Variants in RTTN observed in about 807,000 individuals in gnomAD.
RTTN encodes the protein rotatin.
A neutral mutation model predicts 269.2 loss-of-function variants in RTTN; 182 were observed. The observed-to-expected ratio is 0.68, with a 90% CI of 0.60 to 0.76. The LOEUF (loss-of-function observed/expected upper bound fraction) is 0.76. RTTN is among the 30% of genes least tolerant of loss of function. The pLI is 0.00. For missense variants in RTTN, 2,545 were observed against 2,608.6 expected (o/e 0.98, Z 0.53); for synonymous variants, 1,006 against 963.5 (o/e 1.04, Z -0.82).
rs1457494800 is a variant in RTTN at position 70,204,225 on chromosome 18, T to C, written c.258A>G (p.Ala86=). 2 of 1,613,198 alleles carry C rather than the reference T, an allele frequency of 1.2e-6. No individual in the cohort carries two copies. The highest frequency in any genetic ancestry group is 1.7e-6 in the Non-Finnish European group (2 of 1,179,840). ...ACCGAAGCTTAGATAAGAACTCTAC[T>C]GCACCAACGTCAACCAAATGTTGGA... is the stretch of plus-strand genomic sequence containing the variant. ...PAVQHLVDVG[A]VEFLSKLRSN... is the part of the protein sequence containing the mutation. Residue 86 remains alanine (A), a synonymous_variant, in exon 3 of 49, where the codon GCA becomes GCG. Transcript: ENST00000640769.
At chr18:70,030,823 A>G (rs2056990263) in intron 41 of RTTN, 53 bp downstream of exon 41, 8 of 1,319,098 alleles carry the variant, frequency 6.1e-6, no homozygotes, top group Admixed American at 2.0e-5. Flanking sequence ...ACAAGCAACA[A>G]AACATATGAA....
chr18:70,030,905 C>G lies in RTTN; in HGVS notation c.5618G>C (p.Ser1873Thr). 6 of 1,613,648 alleles carry G rather than the reference C, an allele frequency of 3.7e-6. No individual in the cohort carries two copies. Among genetic ancestry groups the G allele is most frequent in the Non-Finnish European group, 5.1e-6 (6 of 1,179,826 alleles). ...CAAAGCATGTTTCTGTGCTCTTCTA[C>G]TGACAGCCAGCAGTGACATCAATGC... ...ANALMSLLAV[S>T]RRAQKHALKA... is the part of the protein sequence containing the mutation. Residue 1873 changes from serine to threonine, a missense_variant, in exon 41 of 49, where the codon AGT (serine) becomes ACT (threonine). Ser to Thr is a moderately conservative substitution (Grantham distance 58). Coordinates refer to ENST00000640769, the MANE Select transcript of RTTN (RefSeq NM_173630.4).
chr18:70,011,986 T>TAGAC (rs2056390990), intron 46 of RTTN, among the ~76,000 whole-genome samples: 1 of 150,424 alleles, frequency 6.6e-6, no homozygotes, highest in Admixed American at 6.6e-5. Flanking sequence ...TGGTATTGGT[T>TAGAC]AGAGGGCAGC....
At chr18:70,064,866 T>C (rs1006112859) in intron 35 of RTTN, among the ~76,000 whole-genome samples, 2 of 152,172 alleles carry the variant, frequency 1.3e-5, no homozygotes, top group Non-Finnish European at 2.9e-5. Context: ...ATGTTAAAAA[T>C]CAGAGTAAGG....
chr18:70,054,971 G>T (rs1353358485), intron 37 of RTTN, among the ~76,000 whole-genome samples: 3 of 152,150 alleles, frequency 2.0e-5, no homozygotes, highest in Non-Finnish European at 4.4e-5. Flanking sequence ...GCATAAGCAG[G>T]GGTGGGGGGA....
chr18:70,074,252 C>CA (rs1308862390), intron 33 of RTTN, among the ~76,000 whole-genome samples: 1 of 151,916 alleles, frequency 6.6e-6, no homozygotes, highest in Admixed American at 6.6e-5. Context: ...TACCCCAGGT[C>CA]AGAGTGGAAG....
At chr18:70,045,849 C>T (rs942038792) in intron 40 of RTTN, among the ~76,000 whole-genome samples, 1 of 152,080 alleles carries the variant, frequency 6.6e-6, no homozygotes, top group Non-Finnish European at 1.5e-5. Flanking sequence ...TCACAAAATA[C>T]GTGATTTGTA....
chr18:70,131,357 A>C (rs570226876), intron 23 of RTTN: 2 of 151,802 alleles, frequency 1.3e-5, no homozygotes, highest in South Asian at 4.2e-4. Context: ...TAAAATATGT[A>C]TAGAATTTAA....
At chr18:70,028,193 T>A (rs2056907856) in intron 43 of RTTN, among the ~76,000 whole-genome samples, 1 of 152,034 alleles carries the variant, frequency 6.6e-6, no homozygotes, top group Admixed American at 6.6e-5. Flanking sequence ...TAAAACATCA[T>A]CAGTGCTTAC....
chr18:70,145,844 G>C (rs1231628606), intron 17 of RTTN, 61 bp from the exon 18 acceptor site: 1 of 1,305,096 alleles, frequency 7.7e-7, no homozygotes, highest in African/African-American at 1.5e-5. Context: ...TTTTAAAAGG[G>C]CTTGTAATTA....
At chr18:70,121,240 A>G (rs1329533005) in intron 26 of RTTN, among the ~76,000 whole-genome samples, 3 of 152,050 alleles carry the variant, frequency 2.0e-5, no homozygotes, top group Non-Finnish European at 4.4e-5. Flanking sequence ...CAACATGCCT[A>G]TCTGGACATC....
At chr18:70,182,155 G>A (rs1434964877) in intron 10 of RTTN, among the ~76,000 whole-genome samples, 2 of 151,998 alleles carry the variant, frequency 1.3e-5, no homozygotes, top group Admixed American at 1.3e-4. Context: ...CCAAGATTCA[G>A]AACTATTATC....
chr18:70,059,774 T>C lies in RTTN; in HGVS notation c.4940+76A>G, dbSNP rs1400437704. 6 of 978,892 alleles carry C rather than the reference T, an allele frequency of 6.1e-6. No individual in the cohort carries two copies. In the African/African-American group the frequency reaches 9.8e-5, roughly 16 times the overall value. The allele number at this position is 978,892 out of a possible 1,614,324, so 60.6% of individuals were successfully genotyped here. On this transcript the variant is annotated intron_variant, in intron 36 of 48. Transcript: ENST00000640769. Reference sequence around the variant, plus strand: ...CTGTATTTCCAGGTCACAAGAAATCTTGTATCAAGTCATGAATACAGTTTG... The same window carrying C: ...CTGTATTTCCAGGTCACAAGAAATCCTGTATCAAGTCATGAATACAGTTTG...
At chr18:70,099,916 C>T (rs1041923073) in intron 28 of RTTN, among the ~76,000 whole-genome samples, 2 of 152,118 alleles carry the variant, frequency 1.3e-5, no homozygotes, top group Non-Finnish European at 2.9e-5. Context: ...TTTCTGAGGG[C>T]TCTGTTCTGT....
chr18:70,097,063 C>T (rs948863035), intron 28 of RTTN, among the ~76,000 whole-genome samples: 1 of 152,146 alleles, frequency 6.6e-6, no homozygotes, highest in African/African-American at 2.4e-5. Flanking sequence ...AATGACAAGC[C>T]AAGACCTTTG....
At chr18:70,134,448 A>G in intron 23 of RTTN, 25 bp downstream of exon 23, 1 of 1,533,096 alleles carries the variant, frequency 6.5e-7, no homozygotes, top group Non-Finnish European at 9.0e-7. Context: ...GTCCTTCAAG[A>G]AAATCAGAGA....
At chr18:70,134,664 C>A (rs1484163400) in intron 22 of RTTN, 123 bp from the exon 23 acceptor site, 2 of 620,240 alleles carry the variant, frequency 3.2e-6, no homozygotes. Flanking sequence ...CTGAGTCTAT[C>A]ATTTAGTATA....
chr18:70,024,062 C>A (rs1392208356), intron 44 of RTTN, among the ~76,000 whole-genome samples: 1 of 152,178 alleles, frequency 6.6e-6, no homozygotes, highest in Non-Finnish European at 1.5e-5. Flanking sequence ...GCATTACAGG[C>A]ATGAGCCACT....
intron 46 of RTTN, 170 bp from the exon 47 acceptor site, chr18:70,006,654 C>T (rs1042476106): frequency 3.4e-6 from 2 of 593,176 alleles, no homozygotes; most frequent in Admixed American, 2.9e-5. Context: ...TATGGGAGGA[C>T]AACCTCAAAA....
Sources: allele counts gnomAD v4.1 joint callset (sites outside exome capture counted in the v4.1 genomes callset), GRCh38; gene constraint gnomAD v4.1.1; transcripts MANE v1.5; gene names NCBI Gene and HGNC (gene_info 2026-07-23, HGNC 2026-07-21).